Variants in CELF3 observed in about 807,000 individuals in gnomAD.
The protein encoded by CELF3 is CAG repeat domain.
In CELF3, 26 loss-of-function variants were observed where a neutral mutation model predicts 59.6. That is an observed-to-expected ratio of 0.44 (90% CI 0.32 to 0.61). CELF3 has a LOEUF of 0.61. Among genes scored for constraint, CELF3 ranks in the 20% least tolerant of loss-of-function variants. CELF3 has a pLI of 0.06. For synonymous variants in CELF3, 245 were observed against 250.7 expected (o/e 0.98, Z 0.22); for missense variants, 387 against 627.2 (o/e 0.62, Z 4.09).
intron 12 of CELF3, among the ~76,000 whole-genome samples, chr1:151,704,012 C>T (rs1461764454): frequency 6.6e-6 from 1 of 152,150 alleles, no homozygotes; most frequent in Non-Finnish European, 1.5e-5. Context: ...AGACCAAGCA[C>T]GTCCCGCGAG....
Position 151,705,743 on chromosome 1 carries a change from G to C in CELF3, c.1270+79C>G, listed in dbSNP as rs1672457006. The C allele has an allele frequency of 6.8e-7, 1 of 1,476,034 alleles. No individual in the cohort carries two copies. Among genetic ancestry groups the C allele is most frequent in the Non-Finnish European group, 9.3e-7 (1 of 1,074,218 alleles). 91.4% of individuals were successfully genotyped at this position (1,476,034 alleles called of 1,614,324 possible). On this transcript the variant is annotated intron_variant, in intron 11 of 12. Coordinates refer to ENST00000290583, the MANE Select transcript of CELF3 (RefSeq NM_007185.7). This position sits in a 1 kb window ranked among gnomAD's most constrained non-coding sequence, Gnocchi z 5.1. The stretch of plus-strand genomic sequence containing the variant: ...GTATTTCAAATACTGGGTCCACTGT[G>C]ACCATAAATGCCTTCAAATATATTA...
chr1:151,715,861 T>C lies in CELF3; in HGVS notation c.145+15A>G. The C allele has an allele frequency of 6.4e-7, 1 of 1,567,740 alleles. No homozygotes were observed. The highest frequency in any genetic ancestry group is 8.7e-7 in the Non-Finnish European group (1 of 1,150,228). ...AGCCCACCCCGAAGCCTCTTCAGCC[T>C]GCCCGACCCCTCACCCTTGTGCAGC... On this transcript the variant is annotated intron_variant, in intron 1 of 12. Coordinates refer to ENST00000290583, the MANE Select transcript of CELF3 (RefSeq NM_007185.7).
chr1:151,704,412 C>T (rs752721019), intron 12 of CELF3, among the ~76,000 whole-genome samples: 21 of 152,176 alleles, frequency 1.4e-4, no homozygotes, highest in African/African-American at 2.7e-4. Flanking sequence ...ACTTCACAGG[C>T]GGCGCGACAT....
chr1:151,710,822 G>C (rs1247035620), intron 2 of CELF3: 1 of 456,474 alleles, frequency 2.2e-6, no homozygotes, highest in Non-Finnish European at 4.4e-6. Context: ...CTGGTGAGAG[G>C]ACTTGGAAAT....
At position 151,716,768 on chromosome 1, in the gene CELF3, C is replaced by G. The variant is rs1673507449; in HGVS notation, c.-748G>C. The G allele has an allele frequency of 2.1e-6, 1 of 465,262 alleles. No homozygotes were observed. Among genetic ancestry groups the G allele is most frequent in the African/African-American group, 2.0e-5 (1 of 48,970 alleles). 28.8% of individuals were successfully genotyped at this position (465,262 alleles called of 1,614,324 possible). A position where few individuals can be genotyped will look rare whatever the true frequency, so the allele number is the denominator to read the frequency against. On this transcript the variant is annotated 5_prime_UTR_variant, in exon 1 of 13. Transcript: ENST00000290583. ...TTTCCCGGTCACCTGGGTCCCGGAG[C>G]TCTGCTCTCCGGCCGCGCTCTCCTC...
Position 151,705,731 on chromosome 1 carries a change from TG to T in CELF3, c.1270+90del. On this transcript the variant is annotated intron_variant, in intron 11 of 12. Coordinates refer to ENST00000290583, the MANE Select transcript of CELF3 (RefSeq NM_007185.7). The surrounding 1 kb of genome is among the most constrained non-coding windows in gnomAD (Gnocchi z 5.1). ...CTTGGATAATCAGTATTTCAAATAC[TG>T]GGTCCACTGTGACCATAAATGCCTT... The T allele has an allele frequency of 7.3e-7, 1 of 1,371,610 alleles. No individual in the cohort carries two copies. The highest frequency in any genetic ancestry group is 1.0e-6 in the Non-Finnish European group (1 of 988,632). 85.0% of individuals were successfully genotyped at this position (1,371,610 alleles called of 1,614,324 possible). A position where few individuals can be genotyped will look rare whatever the true frequency, so the allele number is the denominator to read the frequency against.
Position 151,705,997 on chromosome 1 carries a change from C to T in CELF3, c.1127-32G>A. The T allele has an allele frequency of 1.2e-6, 2 of 1,612,264 alleles. No homozygotes were observed. Among genetic ancestry groups the T allele is most frequent in the Non-Finnish European group, 1.7e-6 (2 of 1,179,112 alleles). On this transcript the variant is annotated intron_variant, in intron 10 of 12. Transcript: ENST00000290583. The surrounding 1 kb of genome is among the most constrained non-coding windows in gnomAD (Gnocchi z 5.1). The stretch of plus-strand genomic sequence containing the variant: ...GGCGACAGAGACAGAAGAAAGAGCT[C>T]AGTGACTGGGAGGCACACACCCCAG...
At position 151,713,774 on chromosome 1, in the gene CELF3, G is replaced by A. The variant is rs149452357; in HGVS notation, c.228+820C>T. The stretch of plus-strand genomic sequence containing the variant: ...GACTGGGATAAGATCTTTGGTGGGC[G>A]TGGGGGTTTGGGTGGATTTGCCGCA... On this transcript the variant is annotated intron_variant, in intron 2 of 12. Transcript: ENST00000290583. Among the ~76,000 whole-genome samples, 1,274 of 152,312 alleles carry A rather than the reference G, an allele frequency of 8.4e-3. 13 individuals are homozygous for A. The highest frequency in any genetic ancestry group is 0.034 in the Middle Eastern group (10 of 294).
intron 12 of CELF3, among the ~76,000 whole-genome samples, chr1:151,704,247 G>T (rs1672328289): frequency 6.6e-6 from 1 of 152,074 alleles, no homozygotes; most frequent in Non-Finnish European, 1.5e-5. Context: ...GGGGAAAGGG[G>T]AGAAACAGAA....
At chr1:151,708,866 GTTC>G in intron 5 of CELF3, 129 bp downstream of exon 5, 1 of 799,544 alleles carries the variant, frequency 1.3e-6, no homozygotes, top group South Asian at 1.7e-5. Flanking sequence ...AAGCAGTTTG[GTTC>G]TTCTGCCAGG....
rs141407476 is a variant in CELF3, at chr1:151,705,566, C to T, written c.1270+256G>A. ...GCCCACCTTTTGCAAACCAAACATC[C>T]CCAGACCATAAGCCTATTTCAGACC... On this transcript the variant is annotated intron_variant, in intron 11 of 12. Coordinates refer to ENST00000290583, the MANE Select transcript of CELF3 (RefSeq NM_007185.7). This position sits in a 1 kb window ranked among gnomAD's most constrained non-coding sequence, Gnocchi z 5.1. Among the ~76,000 whole-genome samples, 359 of 152,222 alleles carry T rather than the reference C, an allele frequency of 2.4e-3. 2 individuals carry two copies. Among genetic ancestry groups the T allele is most frequent in the Admixed American group, 0.019 (292 of 15,298 alleles).
intron 1 of CELF3, chr1:151,715,535 C>CAA: frequency 9.3e-7 from 1 of 1,072,096 alleles, no homozygotes; most frequent in South Asian, 1.3e-5. Context: ...CACACACACA[C>CAA]ACCCCTACCC....
In CELF3 at chr1:151,705,679, G is replaced by T; in HGVS notation, c.1270+143C>A. The T allele has an allele frequency of 2.3e-6, 2 of 868,370 alleles. No individual in the cohort carries two copies. The highest frequency in any genetic ancestry group is 3.5e-6 in the Non-Finnish European group (2 of 564,466). The allele number at this position is 868,370 out of a possible 1,614,324, so 53.8% of individuals were successfully genotyped here. The stretch of plus-strand genomic sequence containing the variant: ...GGCAGCAGCTGGGTGTGGCATGTTG[G>T]GTGTGTCAAAATGGCTCTTTTGTAC... On this transcript the variant is annotated intron_variant, in intron 11 of 12. Coordinates refer to ENST00000290583, the MANE Select transcript of CELF3 (RefSeq NM_007185.7). The surrounding 1 kb of genome is among the most constrained non-coding windows in gnomAD (Gnocchi z 5.1).
In CELF3 at chr1:151,709,996, G is replaced by A; in HGVS notation, c.229-205C>T. On this transcript the variant is annotated intron_variant, in intron 2 of 12. Coordinates refer to ENST00000290583, the MANE Select transcript of CELF3 (RefSeq NM_007185.7). The surrounding 1 kb of genome is among the most constrained non-coding windows in gnomAD (Gnocchi z 4.9). Reference sequence around the variant, plus strand: ...CAGAGAGAGAGGATGTAGAGGGAGAGGCTCATGGGCACAGCTCCAGGCTCA... The same window carrying A: ...CAGAGAGAGAGGATGTAGAGGGAGAAGCTCATGGGCACAGCTCCAGGCTCA... 1.7e-6 allele frequency: 1 copy of A among 594,348 alleles called. No individual in the cohort carries two copies. The highest frequency in any genetic ancestry group is 1.9e-5 in the South Asian group (1 of 52,026). 36.8% of individuals were successfully genotyped at this position (594,348 alleles called of 1,614,324 possible).
intron 8 of CELF3, 53 bp from the exon 9 acceptor site, chr1:151,706,787 C>T: frequency 7.3e-7 from 1 of 1,378,654 alleles, no homozygotes; most frequent in South Asian, 1.4e-5. Context: ...AGTGGGGGCC[C>T]TCAGTGCCTC....
At position 151,702,705 on chromosome 1, in the gene CELF3, A is replaced by G. The variant is rs568845684; in HGVS notation, c.*754T>C. 188 of 155,642 alleles carry G rather than the reference A, an allele frequency of 1.2e-3. 1 individual carries two copies. In the South Asian group the frequency reaches 0.013, roughly 11 times the overall value. The allele number at this position is 155,642 out of a possible 1,614,324, so 9.6% of individuals were successfully genotyped here. On this transcript the variant is annotated 3_prime_UTR_variant, in exon 13 of 13. Transcript: ENST00000290583. ...AGGGCAACATTGTCTAAACTCCCAGAAAGAGAGATGGCAGCGTCCGGGCCA... is the reference window on the plus strand; with the variant it reads ...AGGGCAACATTGTCTAAACTCCCAGGAAGAGAGATGGCAGCGTCCGGGCCA...
Position 151,700,909 on chromosome 1 carries a change from T to C in CELF3, c.*2550A>G, listed in dbSNP as rs1278552009. 1 of 152,214 alleles carries C rather than the reference T, an allele frequency of 6.6e-6. No individual in the cohort carries two copies. The highest frequency in any genetic ancestry group is 1.9e-4 in the East Asian group (1 of 5,198). 9.4% of individuals were successfully genotyped at this position (152,214 alleles called of 1,614,324 possible). A position where few individuals can be genotyped will look rare whatever the true frequency, so the allele number is the denominator to read the frequency against. Reference sequence around the variant, plus strand: ...GTCCAGTATAGATGTCCAACAGTCATTTCTTATTTACTAAGCAATGTCTAA... The same window carrying C: ...GTCCAGTATAGATGTCCAACAGTCACTTCTTATTTACTAAGCAATGTCTAA... On this transcript the variant is annotated 3_prime_UTR_variant, in exon 13 of 13. Coordinates refer to ENST00000290583, the MANE Select transcript of CELF3 (RefSeq NM_007185.7).
At chr1:151,707,052 C>G (rs1394084921) in intron 8 of CELF3, 93 bp downstream of exon 8, 6 of 1,347,040 alleles carry the variant, frequency 4.5e-6, no homozygotes, top group African/African-American at 3.0e-5. Flanking sequence ...ACCTGTACCC[C>G]CAAAGCTGGG....
intron 1 of CELF3, 132 bp downstream of exon 1, chr1:151,715,744 C>A: frequency 2.5e-6 from 4 of 1,594,032 alleles, no homozygotes; most frequent in Non-Finnish European, 3.4e-6. Flanking sequence ...CTCCTCCATC[C>A]ACTTTCCTCA....
Sources: gnomAD v4.1 joint callset for allele counts (sites outside exome capture counted in the v4.1 genomes callset) on GRCh38, gnomAD v4.1.1 for gene constraint, Gnocchi (gnomAD v3.1) non-coding constraint, MANE v1.5 for transcripts, NCBI Gene and HGNC (gene_info 2026-07-23, HGNC 2026-07-21) for gene names.